The following FHIT variants were observed in gnomAD, a reference collection of about 807,000 sequenced individuals.
The protein encoded by FHIT is bis(5'-adenosyl)-triphosphatase.
A neutral mutation model predicts 17.9 loss-of-function variants in FHIT; 19 were observed. The ratio of observed to expected loss-of-function variants is 1.06; its 90% CI spans 0.74 to 1.56. FHIT has a LOEUF of 1.56. Among genes scored for constraint, FHIT ranks in the 40% most tolerant of loss-of-function variants. The probability of loss-of-function intolerance (pLI) is 0.00; values close to 1 mark genes in which losing one functional copy is unlikely to be tolerated. For synonymous variants in FHIT, 81 were observed against 69.7 expected, an observed-to-expected ratio of 1.16 and a Z score of -0.81; for missense variants, 248 against 189.2, an observed-to-expected ratio of 1.31 and a Z score of -1.82.
intron 5 of FHIT, among the ~76,000 whole-genome samples, chr3:60,341,345 T>C (rs537242423): frequency 3.7e-4 from 57 of 152,208 alleles, no homozygotes; most frequent in African/African-American, 1.3e-3. Context: ...AAAAATTGAG[T>C]AAATAAAAAC....
chr3:60,304,820 C>A (rs1708600791), intron 5 of FHIT, among the ~76,000 whole-genome samples: 1 of 152,052 alleles, frequency 6.6e-6, no homozygotes, highest in Admixed American at 6.6e-5. Flanking sequence ...CTTTATTAAG[C>A]AACCAAGCTA....
intron 3 of FHIT, among the ~76,000 whole-genome samples, chr3:60,998,840 G>A (rs1302832398): frequency 2.6e-5 from 4 of 151,772 alleles, no homozygotes; most frequent in East Asian, 3.9e-4. Flanking sequence ...AAAAAGAGAA[G>A]GTAGACTTAT....
intron 7 of FHIT, among the ~76,000 whole-genome samples, chr3:60,009,484 CCATCA>C (rs1700060119): frequency 6.6e-6 from 1 of 152,002 alleles, no homozygotes; most frequent in Admixed American, 6.6e-5. Flanking sequence ...ATCATCATCA[CCATCA>C]AAGGTAACAA....
intron 8 of FHIT, among the ~76,000 whole-genome samples, chr3:59,892,971 C>A (rs532586196): frequency 1.3e-5 from 2 of 152,176 alleles, no homozygotes; most frequent in South Asian, 4.2e-4. Context: ...ATTTTAAGTG[C>A]CATATTTAAA....
At position 60,720,410 on chromosome 3, in the gene FHIT, A is replaced by T. The variant is rs537994201; in HGVS notation, c.-18+101509T>A. ...TGAAGGAATTAATGAATGTTCATTC[A>T]TATGGTTATTGTGACAATCAAATGG... On this transcript the variant is annotated intron_variant, in intron 4 of 9. Transcript: ENST00000492590. 7.9e-5 allele frequency among the ~76,000 whole-genome samples: 12 copies of T among 152,342 alleles called. No homozygotes were observed. In the South Asian group the frequency reaches 2.5e-3, roughly 32 times the overall value.
chr3:60,738,602 A>G (rs1311112387), intron 4 of FHIT, among the ~76,000 whole-genome samples: 3 of 152,232 alleles, frequency 2.0e-5, no homozygotes, highest in African/African-American at 7.2e-5. Context: ...AAGAAGAGCT[A>G]TCCCTGAGAC....
chr3:61,091,936 TAAAAAAAAAAAAA>T (rs58005720), intron 2 of FHIT, among the ~76,000 whole-genome samples: 2 of 61,276 alleles, frequency 3.3e-5, no homozygotes, highest in Admixed American at 2.3e-4. Flanking sequence ...AGACCTTGTC[TAAAAAAAAAAAAA>T]AAAAAAAAAA....
intron 5 of FHIT, among the ~76,000 whole-genome samples, chr3:60,275,087 G>C (rs749010407): frequency 2.0e-5 from 3 of 151,832 alleles, no homozygotes; most frequent in Non-Finnish European, 4.4e-5. Context: ...TATATTTTAA[G>C]GATTCAAGTT....
chr3:60,131,696 C>T (rs72884606), intron 5 of FHIT, among the ~76,000 whole-genome samples: 24,390 of 152,028 alleles, frequency 0.16, 2,139 homozygotes, highest in African/African-American at 0.2. Context: ...AGCCTGAACT[C>T]ATCAGTATCC....
chr3:60,510,310 A>G (rs2034900781), intron 5 of FHIT, among the ~76,000 whole-genome samples: 1 of 152,204 alleles, frequency 6.6e-6, no homozygotes, highest in Non-Finnish European at 1.5e-5. Context: ...CCAATTTCAC[A>G]TATTCTGCAA....
chr3:59,768,964 T>C (rs1410523473), intron 8 of FHIT, among the ~76,000 whole-genome samples: 1 of 152,198 alleles, frequency 6.6e-6, no homozygotes, highest in Non-Finnish European at 1.5e-5. Flanking sequence ...AGAATCAGGG[T>C]AGACAGCCTA....
In FHIT at chr3:60,821,581, G is replaced by A. The variant is rs1260583628; in HGVS notation, c.-18+338C>T. On this transcript the variant is annotated intron_variant, in intron 4 of 9. Coordinates refer to ENST00000492590, the MANE Select transcript of FHIT (RefSeq NM_002012.4). The stretch of plus-strand genomic sequence containing the variant: ...TTTACACGTAAAAATTATTAAATAT[G>A]TGTAACTGCTGGGGGGAGGATAATA... Among the ~76,000 whole-genome samples the A allele has an allele frequency of 3.3e-5, 5 of 152,262 alleles. No individual in the cohort carries two copies. In the East Asian group the frequency reaches 9.6e-4, roughly 29 times the overall value.
At chr3:60,435,046 C>A (rs370444578) in intron 5 of FHIT, among the ~76,000 whole-genome samples, 19 of 152,064 alleles carry the variant, frequency 1.2e-4, no homozygotes, top group African/African-American at 4.3e-4. Context: ...TACAAAGTAT[C>A]CTTATCAGAC....
intron 2 of FHIT, among the ~76,000 whole-genome samples, chr3:61,170,043 T>C (rs2037957626): frequency 6.6e-6 from 1 of 152,150 alleles, no homozygotes; most frequent in African/African-American, 2.4e-5. Flanking sequence ...AAAGCCAGGC[T>C]AGAAAGATCA....
At chr3:60,194,390 A>T (rs1702530259) in intron 5 of FHIT, among the ~76,000 whole-genome samples, 1 of 152,196 alleles carries the variant, frequency 6.6e-6, no homozygotes, top group Admixed American at 6.5e-5. Flanking sequence ...CCCCATGTAG[A>T]AGAATTAAAC....
intron 4 of FHIT, among the ~76,000 whole-genome samples, chr3:60,690,879 G>C (rs1335147508): frequency 6.6e-6 from 1 of 152,136 alleles, no homozygotes; most frequent in Admixed American, 6.5e-5. Context: ...GATTGCTACA[G>C]TTCATCCAGA....
At chr3:60,820,722 A>C (rs1418543205) in intron 4 of FHIT, among the ~76,000 whole-genome samples, 1 of 152,216 alleles carries the variant, frequency 6.6e-6, no homozygotes, top group African/African-American at 2.4e-5. Context: ...CTTAACCGGA[A>C]GCAGGAAAAG....
chr3:60,045,585 T>A (rs1018231962), intron 5 of FHIT, among the ~76,000 whole-genome samples: 3 of 152,150 alleles, frequency 2.0e-5, no homozygotes, highest in African/African-American at 7.2e-5. Flanking sequence ...ATTTTATGTT[T>A]TTTTAATGGA....
At chr3:60,617,775 G>A (rs1409100129) in intron 4 of FHIT, 1 of 153,586 alleles carries the variant, frequency 6.5e-6, no homozygotes, top group African/African-American at 2.4e-5. Context: ...TGATCTTTTG[G>A]CAGAGAAAAA....
Sources: allele counts gnomAD v4.1 joint callset (sites outside exome capture counted in the v4.1 genomes callset), GRCh38; gene constraint gnomAD v4.1.1; transcripts MANE v1.5; gene names NCBI Gene and HGNC (gene_info 2026-07-23, HGNC 2026-07-21).